CCBE1: variants seen among roughly 807,000 people sequenced by gnomAD.
The protein encoded by CCBE1 is collagen and calcium-binding EGF domain-containing protein 1.
Under a neutral mutation model 50.0 loss-of-function variants are expected in CCBE1, and 37 were observed. The observed-to-expected ratio is 0.74, with a 90% CI of 0.57 to 0.97. CCBE1 has a LOEUF of 0.97. Among genes scored for constraint, CCBE1 ranks in the 50% least tolerant of loss-of-function variants. The pLI is 0.00. For synonymous variants in CCBE1, 234 were observed against 203.7 expected, an observed-to-expected ratio of 1.15 and a Z score of -1.27; for missense variants, 538 against 523.8, an observed-to-expected ratio of 1.03 and a Z score of -0.26.
chr18:59,642,089 C>A (rs4940472), intron 2 of CCBE1, among the ~76,000 whole-genome samples: 68,689 of 151,904 alleles, frequency 0.45, 17,183 homozygotes, highest in Non-Finnish European at 0.56. Context: ...CAAAAAAACA[C>A]CATAAACTTT....
chr18:59,583,699 G>A (rs73961268), intron 2 of CCBE1, among the ~76,000 whole-genome samples: 1,478 of 123,354 alleles, frequency 0.012, 21 homozygotes, highest in African/African-American at 0.053. Flanking sequence ...GCGCGCGCGC[G>A]CGTGTGTGTG....
At chr18:59,563,528 G>A (rs867947937) in intron 2 of CCBE1, among the ~76,000 whole-genome samples, 2 of 152,248 alleles carry the variant, frequency 1.3e-5, no homozygotes, top group South Asian at 4.1e-4. Context: ...AGGCTCAAAG[G>A]GCACCAGAGG....
At chr18:59,469,941 C>T (rs112759946) in intron 3 of CCBE1, among the ~76,000 whole-genome samples, 1 of 152,226 alleles carries the variant, frequency 6.6e-6, no homozygotes, top group African/African-American at 2.4e-5. Flanking sequence ...TTGTCTTGTT[C>T]ATCAACTGCT....
intron 2 of CCBE1, among the ~76,000 whole-genome samples, chr18:59,636,312 G>C (rs1174607210): frequency 1.3e-5 from 2 of 152,172 alleles, no homozygotes; most frequent in Non-Finnish European, 2.9e-5. Context: ...TTAGGATAAA[G>C]AGTCATTTAC....
chr18:59,574,937 C>T (rs985275073), intron 2 of CCBE1, among the ~76,000 whole-genome samples: 20 of 152,104 alleles, frequency 1.3e-4, no homozygotes, highest in Non-Finnish European at 1.9e-4. Flanking sequence ...ATTAGTAAGA[C>T]GAAGTCATAC....
At chr18:59,483,659 A>T (rs542175221) in intron 2 of CCBE1, among the ~76,000 whole-genome samples, 1 of 152,330 alleles carries the variant, frequency 6.6e-6, no homozygotes, top group South Asian at 2.1e-4. Context: ...AATTGTTAAA[A>T]GTCAAATTTG....
At chr18:59,580,869 TGCTGGCCAC>T (rs2053074383) in intron 2 of CCBE1, among the ~76,000 whole-genome samples, 1 of 152,232 alleles carries the variant, frequency 6.6e-6, no homozygotes, top group African/African-American at 2.4e-5. Flanking sequence ...GGCCATGACA[TGCTGGCCAC>T]ACTGGGGGGC....
chr18:59,444,479 G>C (rs2143637602), intron 7 of CCBE1, among the ~76,000 whole-genome samples: 1 of 151,682 alleles, frequency 6.6e-6, no homozygotes, highest in African/African-American at 2.4e-5. Context: ...ACAGTGCCCA[G>C]GGTTCCAATT....
chr18:59,508,516 G>C (rs1913983917), intron 2 of CCBE1, among the ~76,000 whole-genome samples: 1 of 151,932 alleles, frequency 6.6e-6, no homozygotes, highest in Admixed American at 6.5e-5. Flanking sequence ...AGGATGACTT[G>C]AGTCCGGGAG....
intron 2 of CCBE1, among the ~76,000 whole-genome samples, chr18:59,670,609 G>A (rs571587314): frequency 1.3e-5 from 2 of 152,220 alleles, no homozygotes; most frequent in African/African-American, 4.8e-5. Flanking sequence ...CTCTTCCTTA[G>A]CAAGTGATTC....
Position 59,597,787 on chromosome 18 carries a change from A to G in CCBE1, c.212+98842T>C, listed in dbSNP as rs113412780. Reference sequence around the variant, plus strand: ...TTGCATGAATTGTATCAGTAATAAGACCATGAGGTCTTATTACCATCCAGA... The same window carrying G: ...TTGCATGAATTGTATCAGTAATAAGGCCATGAGGTCTTATTACCATCCAGA... On this transcript the variant is annotated intron_variant, in intron 2 of 10. Transcript: ENST00000439986. Among the ~76,000 whole-genome samples, 788 of 152,192 alleles carry G rather than the reference A, an allele frequency of 5.2e-3. 10 individuals are homozygous for G. Among genetic ancestry groups the G allele is most frequent in the African/African-American group, 0.018 (741 of 41,518 alleles).
At chr18:59,664,094 G>A (rs1302508120) in intron 2 of CCBE1, among the ~76,000 whole-genome samples, 1 of 152,066 alleles carries the variant, frequency 6.6e-6, no homozygotes, top group African/African-American at 2.4e-5. Flanking sequence ...AGCATGATTG[G>A]GTTCTGGTGA....
At chr18:59,577,267 C>T (rs996778299) in intron 2 of CCBE1, among the ~76,000 whole-genome samples, 2 of 152,218 alleles carry the variant, frequency 1.3e-5, no homozygotes, top group Non-Finnish European at 2.9e-5. Flanking sequence ...CACCAGATGG[C>T]AGCTCAACCT....
At chr18:59,568,644 G>T (rs920569286) in intron 2 of CCBE1, 1 of 152,198 alleles carries the variant, frequency 6.6e-6, no homozygotes, top group African/African-American at 2.4e-5. Flanking sequence ...CACCTGCGCA[G>T]ACCAAAAACA....
At chr18:59,451,785 C>A (rs1043903089) in intron 6 of CCBE1, among the ~76,000 whole-genome samples, 2 of 152,136 alleles carry the variant, frequency 1.3e-5, no homozygotes, top group African/African-American at 4.8e-5. Context: ...ACCCGCCCAT[C>A]CTGCATATGT....
At position 59,696,615 on chromosome 18, in the gene CCBE1, GC is replaced by G; in HGVS notation, c.212+13del. 2 of 1,613,482 alleles carry G rather than the reference GC, an allele frequency of 1.2e-6. No individual in the cohort carries two copies. On this transcript the variant is annotated intron_variant, in intron 2 of 10. Coordinates refer to ENST00000439986, the MANE Select transcript of CCBE1 (RefSeq NM_133459.4). Reference sequence around the variant, plus strand: ...TGCGCAGTGGCGAACAGCCCGCAGAGCCCCCAGGCTTACCTGTAGCATGTGG... The same window carrying G: ...TGCGCAGTGGCGAACAGCCCGCAGAGCCCCAGGCTTACCTGTAGCATGTGG...
rs1912810610 is a variant in CCBE1, at chr18:59,486,047, C to G, written c.213-5809G>C. Among the ~76,000 whole-genome samples the G allele has an allele frequency of 2.0e-5, 3 of 152,094 alleles. No individual in the cohort carries two copies. In the South Asian group the frequency reaches 6.2e-4, roughly 32 times the overall value. On this transcript the variant is annotated intron_variant, in intron 2 of 10. Coordinates refer to ENST00000439986, the MANE Select transcript of CCBE1 (RefSeq NM_133459.4). ...AATTTTGGCTCTGACATTTACAGAG[C>G]TAGGGATTGCTTGCGCCTTGCTCCT...
intron 2 of CCBE1, among the ~76,000 whole-genome samples, chr18:59,639,896 G>C (rs2053963161): frequency 6.6e-6 from 1 of 152,108 alleles, no homozygotes; most frequent in Non-Finnish European, 1.5e-5. Flanking sequence ...ATTCAAAATA[G>C]CCAGAAAAAT....
upstream of CCBE1, chr18:59,697,455 G>A: frequency 7.1e-7 from 1 of 1,413,406 alleles, no homozygotes; most frequent in Admixed American, 2.4e-5. Context: ...CGGAGAGCAG[G>A]GGCGTTTGCA....
Sources: gnomAD v4.1 joint callset for allele counts (sites outside exome capture counted in the v4.1 genomes callset) on GRCh38, gnomAD v4.1.1 for gene constraint, MANE v1.5 for transcripts, NCBI Gene and HGNC (gene_info 2026-07-23, HGNC 2026-07-21) for gene names.